IL1RAPL1: variants seen among roughly 807,000 people sequenced by gnomAD.
IL1RAPL1 encodes interleukin-1 receptor accessory protein-like 1.
IL1RAPL1 carries 3 observed loss-of-function variants against 48.4 expected under a neutral mutation model. That is an observed-to-expected ratio of 0.06 (90% CI 0.03 to 0.16). IL1RAPL1 has a LOEUF of 0.16. Ranked by LOEUF, IL1RAPL1 falls within the 10% of genes least tolerant of loss-of-function variation. IL1RAPL1 has a pLI of 1.00. For synonymous variants in IL1RAPL1, 185 were observed against 187.7 expected (o/e 0.99, Z 0.12); for missense variants, 349 against 530.6 (o/e 0.66, Z 3.36).
chrX:28,596,281 T>C (rs770824750), intron 1 of IL1RAPL1, among the ~76,000 whole-genome samples: 1 of 111,533 alleles, frequency 9.0e-6, no homozygotes, highest in South Asian at 3.8e-4. Flanking sequence ...AGAATTAATA[T>C]TAGGTAGTTT....
intron 5 of IL1RAPL1, among the ~76,000 whole-genome samples, chrX:29,583,162 C>G (rs1360332528): frequency 8.7e-4 from 84 of 96,998 alleles, no homozygotes; most frequent in Non-Finnish European, 1.5e-3. Context: ...TGGCACAAGA[C>G]AGGGATGCCC....
chrX:29,090,869 A>G (rs1928073541), intron 2 of IL1RAPL1, among the ~76,000 whole-genome samples: 1 of 112,563 alleles, frequency 8.9e-6, no homozygotes, highest in African/African-American at 3.2e-5. Context: ...AGCAACTCAA[A>G]ACCATAGAGG....
intron 5 of IL1RAPL1, among the ~76,000 whole-genome samples, chrX:29,405,555 A>C (rs1387476449): frequency 2.0e-5 from 2 of 100,297 alleles, no homozygotes; most frequent in East Asian, 5.9e-4. Context: ...TTTAGTAGAG[A>C]CGGGGTTTCA....
intron 5 of IL1RAPL1, among the ~76,000 whole-genome samples, chrX:29,509,022 A>G (rs1376325225): frequency 8.9e-6 from 1 of 112,210 alleles, no homozygotes. Context: ...CTTGGTTCAT[A>G]TCCTCATAAA....
chrX:29,830,240 A>T (rs1930841529), intron 6 of IL1RAPL1, among the ~76,000 whole-genome samples: 1 of 111,912 alleles, frequency 8.9e-6, no homozygotes, highest in African/African-American at 3.2e-5. Context: ...ACAACAAATG[A>T]TGAGAAAAAA....
intron 2 of IL1RAPL1, among the ~76,000 whole-genome samples, chrX:28,883,053 G>T (rs899963351): frequency 9.0e-6 from 1 of 111,311 alleles, no homozygotes; most frequent in East Asian, 2.8e-4. Flanking sequence ...GAAGTTATCA[G>T]TTTAAAATAG....
intron 5 of IL1RAPL1, among the ~76,000 whole-genome samples, chrX:29,451,400 G>T (rs1219599482): frequency 9.1e-6 from 1 of 110,106 alleles, no homozygotes; most frequent in East Asian, 2.8e-4. Flanking sequence ...TCGCCATGTT[G>T]GACAGGCTGG....
chrX:29,515,877 G>C (rs1459720619), intron 5 of IL1RAPL1, among the ~76,000 whole-genome samples: 1 of 111,107 alleles, frequency 9.0e-6, no homozygotes, highest in Non-Finnish European at 1.9e-5. Context: ...GTAGAGATAG[G>C]GTTTCGCCAT....
At chrX:29,021,237 A>T (rs1926361404) in intron 2 of IL1RAPL1, among the ~76,000 whole-genome samples, 1 of 108,688 alleles carries the variant, frequency 9.2e-6, no homozygotes, top group African/African-American at 3.3e-5. Flanking sequence ...AAAAAAAAAA[A>T]AAAGAACAAA....
At chrX:29,181,151 C>T (rs748129524) in intron 2 of IL1RAPL1, among the ~76,000 whole-genome samples, 23 of 111,571 alleles carry the variant, frequency 2.1e-4, no homozygotes, top group Middle Eastern at 4.6e-3. Flanking sequence ...TTTACCTGGC[C>T]TCTTTTAGTC....
chrX:28,693,344 G>A (rs1935198971), intron 1 of IL1RAPL1, among the ~76,000 whole-genome samples: 1 of 112,235 alleles, frequency 8.9e-6, no homozygotes. Context: ...AGGCAGCTCT[G>A]CCAAAGCTAT....
chrX:28,825,461 C>G (rs1471070655), intron 2 of IL1RAPL1, among the ~76,000 whole-genome samples: 1 of 111,162 alleles, frequency 9.0e-6, no homozygotes, highest in East Asian at 2.8e-4. Flanking sequence ...GCTTGAATAT[C>G]TATGCAGATT....
intron 2 of IL1RAPL1, among the ~76,000 whole-genome samples, chrX:28,977,535 C>A (rs971572736): frequency 2.7e-5 from 3 of 112,210 alleles, no homozygotes; most frequent in African/African-American, 9.7e-5. Context: ...CCTCCAACAC[C>A]GGGGGTTACA....
chrX:28,934,046 C>A (rs748570957), intron 2 of IL1RAPL1, among the ~76,000 whole-genome samples: 1 of 111,238 alleles, frequency 9.0e-6, no homozygotes, highest in Non-Finnish European at 1.9e-5. Context: ...CCTTTTCTGT[C>A]AGCAAGGTCT....
At chrX:29,702,105 C>T (rs151059076) in intron 6 of IL1RAPL1, among the ~76,000 whole-genome samples, 1 of 110,813 alleles carries the variant, frequency 9.0e-6, no homozygotes, top group Non-Finnish European at 1.9e-5. Flanking sequence ...AAATACAAAA[C>T]CTAGCTGGGC....
At chrX:29,352,092 A>AT (rs1371391606) in intron 3 of IL1RAPL1, among the ~76,000 whole-genome samples, 1 of 112,097 alleles carries the variant, frequency 8.9e-6, no homozygotes, top group East Asian at 2.8e-4. Flanking sequence ...AGACATAGAA[A>AT]TATCTGCATA....
At chrX:29,351,681 G>T in intron 3 of IL1RAPL1, among the ~76,000 whole-genome samples, 1 of 111,971 alleles carries the variant, frequency 8.9e-6, no homozygotes, top group Non-Finnish European at 1.9e-5. Flanking sequence ...TTGATTTGCC[G>T]TACATTCTTT....
chrX:29,577,512 G>A (rs778725968), intron 5 of IL1RAPL1, among the ~76,000 whole-genome samples: 5 of 111,244 alleles, frequency 4.5e-5, no homozygotes, highest in Non-Finnish European at 7.5e-5. Context: ...CTTCCCTTTC[G>A]CTCAGTACCC....
At chrX:28,670,044 A>G (rs1020844594) in intron 1 of IL1RAPL1, among the ~76,000 whole-genome samples, 3 of 110,662 alleles carry the variant, frequency 2.7e-5, no homozygotes, top group African/African-American at 9.9e-5. Context: ...AACATGCACA[A>G]CTCCCATCCT....
Sources: allele counts gnomAD v4.1 joint callset (sites outside exome capture counted in the v4.1 genomes callset), GRCh38; gene constraint gnomAD v4.1.1; transcripts MANE v1.5; gene names NCBI Gene and HGNC (gene_info 2026-07-23, HGNC 2026-07-21).